EPB41L3: variants seen among roughly 807,000 people sequenced by gnomAD.
EPB41L3 encodes the protein erythrocyte membrane protein band 4.1 like 3.
Under a neutral mutation model 127.1 loss-of-function variants are expected in EPB41L3, and 57 were observed. The observed-to-expected ratio is 0.45, with a 90% CI of 0.36 to 0.56. The LOEUF is 0.56. Among genes scored for constraint, EPB41L3 ranks in the 20% least tolerant of loss-of-function variants. The probability of loss-of-function intolerance (pLI) is 0.00; values close to 1 mark genes in which losing one functional copy is unlikely to be tolerated. For missense variants in EPB41L3, 1,273 were observed against 1,372.2 expected, an observed-to-expected ratio of 0.93 and a Z score of 1.14; for synonymous variants, 572 against 549.5, an observed-to-expected ratio of 1.04 and a Z score of -0.57.
At chr18:5,542,083 C>G (rs1299024161) in intron 1 of EPB41L3, among the ~76,000 whole-genome samples, 2 of 152,166 alleles carry the variant, frequency 1.3e-5, no homozygotes, top group African/African-American at 4.8e-5. Context: ...TATTTATTCC[C>G]TCTCACATTA....
intron 3 of EPB41L3, among the ~76,000 whole-genome samples, chr18:5,469,748 C>A (rs1453071004): frequency 6.6e-6 from 1 of 151,634 alleles, no homozygotes; most frequent in Non-Finnish European, 1.5e-5. Context: ...TACTTTGGAT[C>A]GTTCCTTCTG....
chr18:5,529,928 A>ATGTATGTGTGTGTG (rs374864271), intron 1 of EPB41L3, among the ~76,000 whole-genome samples: 24 of 146,882 alleles, frequency 1.6e-4, no homozygotes, highest in African/African-American at 5.4e-4. Flanking sequence ...CAACTCATAT[A>ATGTATGTGTGTGTG]TGTGTGTGTG....
chr18:5,603,557 C>T (rs1401240905), intron 3 of EPB41L3, among the ~76,000 whole-genome samples: 1 of 152,110 alleles, frequency 6.6e-6, no homozygotes, highest in Non-Finnish European at 1.5e-5. Context: ...CCTCTCCTTT[C>T]AATGGATATA....
intron 7 of EPB41L3, among the ~76,000 whole-genome samples, 158 bp downstream of exon 7, chr18:5,433,745 G>C (rs970692306): frequency 6.6e-6 from 1 of 152,196 alleles, no homozygotes; most frequent in Admixed American, 6.5e-5. Context: ...TGCTCTGAGT[G>C]AGAGCTTGCC....
At chr18:5,420,205 G>A in intron 11 of EPB41L3, 1 of 402,856 alleles carries the variant, frequency 2.5e-6, no homozygotes. Flanking sequence ...GTGTGGAGGT[G>A]AGTGGAGGGT....
In EPB41L3 at chr18:5,492,085, C is replaced by T. The variant is rs149141267; in HGVS notation, c.-11-2891G>A. Among the ~76,000 whole-genome samples, 1,295 of 152,178 alleles carry T rather than the reference C, an allele frequency of 8.5e-3. 16 individuals carry two copies. The highest frequency in any genetic ancestry group is 0.028 in the African/African-American group (1,161 of 41,510). On this transcript the variant is annotated intron_variant, in intron 1 of 22. Coordinates refer to ENST00000341928, the MANE Select transcript of EPB41L3 (RefSeq NM_012307.5). ...CTGTAATCCCAGGACTTTGGGAGGC[C>T]GAGGCGGGTGGATCACTTGAGGTAA...
intron 3 of EPB41L3, among the ~76,000 whole-genome samples, chr18:5,551,487 G>A (rs1228510985): frequency 6.6e-6 from 1 of 152,158 alleles, no homozygotes; most frequent in Non-Finnish European, 1.5e-5. Flanking sequence ...CACTTTGGGA[G>A]GCCGAGGCGG....
intron 1 of EPB41L3, among the ~76,000 whole-genome samples, chr18:5,517,793 GC>G (rs1219106698): frequency 6.6e-6 from 1 of 152,074 alleles, no homozygotes; most frequent in Non-Finnish European, 1.5e-5. Flanking sequence ...GCAGCATGTG[GC>G]CGGGTCATCC....
At chr18:5,587,622 G>C (rs140372650) in intron 3 of EPB41L3, among the ~76,000 whole-genome samples, 5 of 152,146 alleles carry the variant, frequency 3.3e-5, no homozygotes, top group Non-Finnish European at 5.9e-5. Context: ...TGGTAGCATA[G>C]ACCACAAATA....
At chr18:5,404,929 CTAT>C (rs1002578213) in intron 16 of EPB41L3, among the ~76,000 whole-genome samples, 23 of 152,242 alleles carry the variant, frequency 1.5e-4, no homozygotes, top group African/African-American at 5.3e-4. Context: ...ATTGTAAGGA[CTAT>C]TATATTTAAA....
intron 10 of EPB41L3, among the ~76,000 whole-genome samples, chr18:5,424,051 G>A (rs1184744241): frequency 6.6e-6 from 1 of 152,104 alleles, no homozygotes; most frequent in African/African-American, 2.4e-5. Flanking sequence ...AAGAAGGGGG[G>A]TTTGGGACAT....
At chr18:5,497,991 G>T (rs967447284) in intron 1 of EPB41L3, among the ~76,000 whole-genome samples, 1 of 152,248 alleles carries the variant, frequency 6.6e-6, no homozygotes, top group African/African-American at 2.4e-5. Flanking sequence ...TCAGAAACTT[G>T]CTATTAAAGT....
At chr18:5,537,632 T>A (rs927393832) in intron 1 of EPB41L3, among the ~76,000 whole-genome samples, 2 of 152,046 alleles carry the variant, frequency 1.3e-5, no homozygotes, top group South Asian at 4.2e-4. Context: ...CCAAAAACCT[T>A]CCACAATCAG....
intron 11 of EPB41L3, among the ~76,000 whole-genome samples, chr18:5,422,307 T>G (rs2077574980): frequency 6.6e-6 from 1 of 152,144 alleles, no homozygotes; most frequent in South Asian, 2.1e-4. Context: ...AGTATTCCAT[T>G]AGAAAAAGAC....
At chr18:5,585,348 G>T (rs1813730698) in intron 3 of EPB41L3, among the ~76,000 whole-genome samples, 1 of 152,092 alleles carries the variant, frequency 6.6e-6, no homozygotes, top group African/African-American at 2.4e-5. Context: ...GAGTCGCCCA[G>T]GCTGGAGTGC....
At chr18:5,454,487 A>T (rs2082745181) in intron 3 of EPB41L3, among the ~76,000 whole-genome samples, 1 of 152,168 alleles carries the variant, frequency 6.6e-6, no homozygotes, top group African/African-American at 2.4e-5. Context: ...CATTCTCAAG[A>T]GGCAGGACTT....
chr18:5,523,166 C>A (rs1436674765), intron 1 of EPB41L3, among the ~76,000 whole-genome samples: 1 of 152,172 alleles, frequency 6.6e-6, no homozygotes, highest in Admixed American at 6.5e-5. Flanking sequence ...TCCCTGAAAA[C>A]AGTGATTTCC....
chr18:5,471,090 G>A (rs985173471), intron 3 of EPB41L3, among the ~76,000 whole-genome samples: 18 of 152,292 alleles, frequency 1.2e-4, no homozygotes, highest in South Asian at 1.0e-3. Flanking sequence ...CAGAGTGGGC[G>A]TCAGGCAGGA....
intron 3 of EPB41L3, among the ~76,000 whole-genome samples, chr18:5,579,523 C>T (rs1394263466): frequency 6.6e-6 from 1 of 152,188 alleles, no homozygotes; most frequent in Admixed American, 6.5e-5. Flanking sequence ...AACAAATCAA[C>T]ATAAATCAGG....
Sources: allele counts gnomAD v4.1 joint callset (sites outside exome capture counted in the v4.1 genomes callset), GRCh38; gene constraint gnomAD v4.1.1; transcripts MANE v1.5; gene names NCBI Gene and HGNC (gene_info 2026-07-23, HGNC 2026-07-21).